The following EYS variants were observed in gnomAD, a reference collection of about 807,000 sequenced individuals.
EYS encodes the protein EGF-like photoreceptor maintenance factor, also known as protein eyes shut homolog.
EYS carries 250 observed loss-of-function variants against 282.1 expected under a neutral mutation model. That is an observed-to-expected ratio of 0.89 (90% CI 0.80 to 0.98). The LOEUF is 0.98. Among genes scored for constraint, EYS ranks in the 50% least tolerant of loss-of-function variants. The probability of loss-of-function intolerance (pLI) is 0.00; values close to 1 mark genes in which losing one functional copy is unlikely to be tolerated. For missense variants in EYS, 4,016 were observed against 3,709.0 expected (o/e 1.08, Z -2.15); for synonymous variants, 1,355 against 1,282.9 (o/e 1.06, Z -1.20).
chr6:64,435,373 AG>A (rs1774707330), intron 28 of EYS, among the ~76,000 whole-genome samples: 1 of 151,330 alleles, frequency 6.6e-6, no homozygotes, highest in Non-Finnish European at 1.5e-5. Flanking sequence ...TAAGGAAGAT[AG>A]AACTTCCTTA....
At chr6:65,692,015 T>C (rs971188930) in intron 1 of EYS, among the ~76,000 whole-genome samples, 2 of 150,190 alleles carry the variant, frequency 1.3e-5, no homozygotes, top group Non-Finnish European at 3.0e-5. Context: ...AGATATGAAA[T>C]ACACTTAAGA....
chr6:65,648,314 A>ATATGTGTGTGTGTGTGTGTGTGTG (rs373479571), intron 1 of EYS, among the ~76,000 whole-genome samples: 23 of 147,894 alleles, frequency 1.6e-4, no homozygotes, highest in South Asian at 1.5e-3. Flanking sequence ...AAGAAAATAT[A>ATATGTGTGTGTGTGTGTGTGTGTG]TGTGTGTGTG....
intron 30 of EYS, among the ~76,000 whole-genome samples, chr6:64,300,373 T>G (rs892324212): frequency 2.6e-5 from 4 of 152,276 alleles, no homozygotes; most frequent in Admixed American, 2.0e-4. Context: ...GCAAAATTTC[T>G]TGTGTTTCTT....
chr6:65,249,917 G>A (rs1048201586), intron 12 of EYS, among the ~76,000 whole-genome samples: 3 of 151,984 alleles, frequency 2.0e-5, no homozygotes, highest in Non-Finnish European at 4.4e-5. Flanking sequence ...GGCAATACGT[G>A]GTTTCAATAC....
At chr6:65,209,983 G>C (rs545047343) in intron 12 of EYS, among the ~76,000 whole-genome samples, 10 of 152,046 alleles carry the variant, frequency 6.6e-5, no homozygotes, top group Admixed American at 4.6e-4. Context: ...AGAAATAAGA[G>C]CAGTGGGAAG....
chr6:64,875,745 T>C (rs942688177), intron 19 of EYS, among the ~76,000 whole-genome samples: 1 of 152,152 alleles, frequency 6.6e-6, no homozygotes, highest in Non-Finnish European at 1.5e-5. Context: ...TGTTCTTACA[T>C]AATTTGTTCT....
chr6:64,417,725 C>T (rs1283393370), intron 28 of EYS, among the ~76,000 whole-genome samples: 5 of 142,490 alleles, frequency 3.5e-5, no homozygotes, highest in Non-Finnish European at 4.5e-5. Flanking sequence ...GGCTGGAGCG[C>T]AGTGGCACAA....
In EYS at chr6:65,628,675, C is replaced by T. The variant is rs375628880; in HGVS notation, c.-333+11103G>A. Among the ~76,000 whole-genome samples, 50 of 152,150 alleles carry T rather than the reference C, an allele frequency of 3.3e-4. No individual in the cohort carries two copies. In the East Asian group the frequency reaches 4.9e-3, roughly 15 times the overall value. The stretch of plus-strand genomic sequence containing the variant: ...ACCTTAAGAGCTGTAACACTCACCG[C>T]GAAGGTCTGCAGCTTCACTCCTGAG... On this transcript the variant is annotated intron_variant, in intron 2 of 42. Coordinates refer to ENST00000503581, the MANE Select transcript of EYS (RefSeq NM_001142800.2).
intron 41 of EYS, among the ~76,000 whole-genome samples, chr6:63,735,089 C>T (rs1224391563): frequency 1.3e-5 from 2 of 152,230 alleles, no homozygotes; most frequent in Admixed American, 6.5e-5. Flanking sequence ...AGAGGAAAAA[C>T]ATGCTTACTC....
At chr6:64,849,241 T>C (rs140915792) in intron 19 of EYS, among the ~76,000 whole-genome samples, 5 of 151,802 alleles carry the variant, frequency 3.3e-5, no homozygotes, top group Non-Finnish European at 5.9e-5. Context: ...TTACTGACTT[T>C]ATATTTTTAT....
intron 35 of EYS, among the ~76,000 whole-genome samples, chr6:63,926,118 C>T (rs1475509697): frequency 6.6e-6 from 1 of 152,160 alleles, no homozygotes. Context: ...ATCCTATCAG[C>T]ATGGGCTTGT....
rs1241713353 is a variant in EYS at position 64,502,256 on chromosome 6, T to TG, written c.5645-62905_5645-62904insC. Among the ~76,000 whole-genome samples, 420 of 152,188 alleles carry TG rather than the reference T, an allele frequency of 2.8e-3. 4 individuals carry two copies. The highest frequency in any genetic ancestry group is 9.5e-3 in the African/African-American group (393 of 41,532). ...TGTTTTGTTTTGTTTTGTTTTGTTT[T>TG]TTTTGCCGGAGTCTCCCTCTGTCGC... On this transcript the variant is annotated intron_variant, in intron 26 of 42. Coordinates refer to ENST00000503581, the MANE Select transcript of EYS (RefSeq NM_001142800.2).
At chr6:64,617,168 C>G (rs1767299730) in intron 24 of EYS, among the ~76,000 whole-genome samples, 1 of 152,152 alleles carries the variant, frequency 6.6e-6, no homozygotes, top group Non-Finnish European at 1.5e-5. Context: ...TACATTAAGT[C>G]ACTTGCACCT....
intron 31 of EYS, among the ~76,000 whole-genome samples, chr6:64,141,665 T>C (rs1438451611): frequency 2.0e-5 from 3 of 152,224 alleles, no homozygotes; most frequent in Non-Finnish European, 2.9e-5. Context: ...CATATAAGAA[T>C]GGTATTTCTA....
chr6:64,872,022 T>A (rs939323245), intron 19 of EYS, among the ~76,000 whole-genome samples: 1 of 151,772 alleles, frequency 6.6e-6, no homozygotes, highest in Non-Finnish European at 1.5e-5. Context: ...ATGAAGGGAG[T>A]GGATATATTA....
chr6:64,635,989 C>A (rs1767965473), intron 22 of EYS, among the ~76,000 whole-genome samples: 1 of 152,074 alleles, frequency 6.6e-6, no homozygotes, highest in African/African-American at 2.4e-5. Context: ...TGATTATTGC[C>A]ACAATTTTGG....
At chr6:63,855,654 G>T (rs1413249662) in intron 36 of EYS, among the ~76,000 whole-genome samples, 1 of 152,268 alleles carries the variant, frequency 6.6e-6, no homozygotes, top group Middle Eastern at 3.4e-3. Context: ...GGCAGATAGG[G>T]TGTCTACCTT....
intron 22 of EYS, among the ~76,000 whole-genome samples, chr6:64,756,501 A>C (rs1028663044): frequency 1.3e-5 from 2 of 152,134 alleles, no homozygotes; most frequent in Admixed American, 6.5e-5. Context: ...TATTTCCTCA[A>C]ATTTAAGGTG....
intron 29 of EYS, among the ~76,000 whole-genome samples, chr6:64,344,285 G>A (rs1187028912): frequency 6.6e-6 from 1 of 152,014 alleles, no homozygotes; most frequent in Non-Finnish European, 1.5e-5. Flanking sequence ...TATCCTTGAT[G>A]AACATTGATG....
Sources: allele counts gnomAD v4.1 joint callset (sites outside exome capture counted in the v4.1 genomes callset), GRCh38; gene constraint gnomAD v4.1.1; transcripts MANE v1.5; gene names NCBI Gene and HGNC (gene_info 2026-07-23, HGNC 2026-07-21).